Variants in EHBP1 observed in about 807,000 individuals in gnomAD.
EHBP1 encodes EH domain-binding protein 1.
A neutral mutation model predicts 144.0 loss-of-function variants in EHBP1; 55 were observed. The ratio of observed to expected loss-of-function variants is 0.38; its 90% CI spans 0.31 to 0.48. The LOEUF is 0.48. Among genes scored for constraint, EHBP1 ranks in the 20% least tolerant of loss-of-function variants. The probability of loss-of-function intolerance (pLI) is 0.98; values close to 1 mark genes in which losing one functional copy is unlikely to be tolerated. For synonymous variants in EHBP1, 469 were observed against 472.7 expected (o/e 0.99, Z 0.10); for missense variants, 1,200 against 1,364.2 (o/e 0.88, Z 1.90).
intron 13 of EHBP1, among the ~76,000 whole-genome samples, chr2:62,951,276 A>G (rs2057365712): frequency 6.6e-6 from 1 of 152,168 alleles, no homozygotes; most frequent in Non-Finnish European, 1.5e-5. Context: ...TCTGCCATTT[A>G]TAAGTTTTCA....
chr2:62,774,698 A>T (rs560263830), intron 5 of EHBP1, among the ~76,000 whole-genome samples: 1 of 152,188 alleles, frequency 6.6e-6, no homozygotes, highest in East Asian at 1.9e-4. Context: ...AAAAAAAATT[A>T]ACTGGACGTG....
chr2:62,813,869 A>AG (rs1272936299), intron 5 of EHBP1, among the ~76,000 whole-genome samples: 2 of 152,242 alleles, frequency 1.3e-5, no homozygotes, highest in Non-Finnish European at 2.9e-5. Context: ...TTTTGGAAGT[A>AG]GATGACTGGT....
chr2:62,966,219 A>G (rs2153155591), intron 14 of EHBP1, among the ~76,000 whole-genome samples: 1 of 152,324 alleles, frequency 6.6e-6, no homozygotes, highest in Non-Finnish European at 1.5e-5. Context: ...AAAGGAAGTT[A>G]TCTGAAAATA....
At chr2:62,821,039 G>A (rs2045946513) in intron 5 of EHBP1, among the ~76,000 whole-genome samples, 1 of 151,330 alleles carries the variant, frequency 6.6e-6, no homozygotes, top group African/African-American at 2.4e-5. Context: ...AAATATTAAT[G>A]CCATTAGTTT....
intron 15 of EHBP1, among the ~76,000 whole-genome samples, chr2:62,982,941 A>C (rs960777100): frequency 2.0e-5 from 3 of 152,192 alleles, no homozygotes; most frequent in African/African-American, 7.2e-5. Context: ...ATATTCAGGC[A>C]ATCAAGAGAC....
chr2:62,917,558 T>C lies in EHBP1; in HGVS notation c.1186-25160T>C, dbSNP rs148020862. Among the ~76,000 whole-genome samples the C allele has an allele frequency of 5.1e-4, 78 of 152,322 alleles. 1 individual carries two copies. Among genetic ancestry groups the C allele is most frequent in the African/African-American group, 1.6e-3 (67 of 41,580 alleles). ...TCTAATTGACTCTATAGTTCAGGTA[T>C]GTTCTTAATCCCAATGCTGAGTCCT... On this transcript the variant is annotated intron_variant, in intron 10 of 22. Transcript: ENST00000431489.
In EHBP1 at chr2:62,961,116, T is replaced by C. The variant is rs1429637940; in HGVS notation, c.2460+5456T>C. On this transcript the variant is annotated intron_variant, in intron 14 of 22. Coordinates refer to ENST00000431489, the MANE Select transcript of EHBP1 (RefSeq NM_001142616.3). The stretch of plus-strand genomic sequence containing the variant: ...CTGAAAACAACTCTCGATATTCTTA[T>C]TGGGTGGACCCTTACGTACAGACTC... 3.9e-5 allele frequency among the ~76,000 whole-genome samples: 6 copies of C among 152,322 alleles called. No homozygotes were observed. The East Asian group carries it at 5.8e-4, about 15-fold the overall frequency.
intron 15 of EHBP1, chr2:62,987,805 G>A (rs140431293): frequency 1.6e-5 from 8 of 500,966 alleles, no homozygotes; most frequent in African/African-American, 1.2e-4. Context: ...TTCTTAACTT[G>A]CTTATCTGTG....
intron 5 of EHBP1, among the ~76,000 whole-genome samples, chr2:62,775,605 T>C (rs1410653044): frequency 6.6e-6 from 1 of 152,210 alleles, no homozygotes. Context: ...AAGTTATATT[T>C]AATATAAAAT....
chr2:62,833,424 C>A (rs766836607), intron 7 of EHBP1, among the ~76,000 whole-genome samples: 1 of 152,176 alleles, frequency 6.6e-6, no homozygotes, highest in Non-Finnish European at 1.5e-5. Flanking sequence ...GAAGAAGATG[C>A]CATCTAGGAA....
intron 5 of EHBP1, among the ~76,000 whole-genome samples, chr2:62,792,795 A>G (rs1264154387): frequency 6.6e-6 from 1 of 152,060 alleles, no homozygotes; most frequent in East Asian, 1.9e-4. Flanking sequence ...TGAGATATTT[A>G]AGTGCTGCTT....
chr2:62,990,797 C>T lies in EHBP1; in HGVS notation c.2690C>T (p.Ala897Val), dbSNP rs2059382893. 1 of 1,613,878 alleles carries T rather than the reference C, an allele frequency of 6.2e-7. No individual in the cohort carries two copies. The highest frequency in any genetic ancestry group is 1.7e-4 in the Middle Eastern group (1 of 6,060). ...QPQVANSPSS[A>V]AQKAVTESSE... ...CAGGTGGCAAATTCACCCTCCAGTG[C>T]TGCCCAGAAAGCTGTAACTGAGAGC... Residue 897 changes from alanine (A) to valine (V), a missense_variant, in exon 16 of 23, where the codon GCT (alanine) becomes GTT (valine). Ala to Val is a moderately conservative substitution (Grantham distance 64, BLOSUM62 0). This residue lies in a region of EHBP1 where 543 missense variants were observed against 513.1 expected (regional missense o/e 1.06). Transcript: ENST00000431489.
rs987425049 is a variant in EHBP1 at position 62,759,894 on chromosome 2, A to G, written c.163-4372A>G. 5.5e-4 allele frequency among the ~76,000 whole-genome samples: 83 copies of G among 151,092 alleles called. 2 individuals carry two copies. Among genetic ancestry groups the G allele is most frequent in the Non-Finnish European group, 9.0e-4 (61 of 67,726 alleles). The stretch of plus-strand genomic sequence containing the variant: ...TAAATTCTTAGAAAACAGTAACACT[A>G]TTTTTTTTTGGTCAGATTTTCCACT... On this transcript the variant is annotated intron_variant, in intron 3 of 22. Transcript: ENST00000431489.
chr2:62,755,201 T>A (rs2152265746), intron 3 of EHBP1, among the ~76,000 whole-genome samples: 1 of 152,326 alleles, frequency 6.6e-6, no homozygotes, highest in South Asian at 2.1e-4. Flanking sequence ...CTGTTTTGAT[T>A]TTCTGTTACC....
chr2:63,008,253 G>A (rs1268070355), intron 19 of EHBP1, among the ~76,000 whole-genome samples: 1 of 151,578 alleles, frequency 6.6e-6, no homozygotes, highest in Admixed American at 6.6e-5. Context: ...TACATGCTGG[G>A]GTGGACTAGC....
intron 14 of EHBP1, among the ~76,000 whole-genome samples, chr2:62,970,810 T>G (rs2058464312): frequency 6.6e-6 from 1 of 152,120 alleles, no homozygotes. Context: ...CCCCTTCCCC[T>G]CAAAAGCAAA....
At chr2:63,009,101 A>G (rs938814363) in intron 19 of EHBP1, among the ~76,000 whole-genome samples, 8 of 151,606 alleles carry the variant, frequency 5.3e-5, no homozygotes, top group African/African-American at 1.9e-4. Context: ...TTGGTAGTTC[A>G]TTTGTTTTTG....
intron 19 of EHBP1, among the ~76,000 whole-genome samples, chr2:63,015,087 A>G: frequency 6.6e-6 from 1 of 152,238 alleles, no homozygotes; most frequent in East Asian, 1.9e-4. Flanking sequence ...CGAATTTTAT[A>G]TGAGGAAAAA....
chr2:62,989,809 A>T (rs925457017), intron 15 of EHBP1, among the ~76,000 whole-genome samples: 1 of 152,126 alleles, frequency 6.6e-6, no homozygotes, highest in African/African-American at 2.4e-5. Flanking sequence ...TCATATGTAT[A>T]TAAGTCATAA....
Sources: allele counts gnomAD v4.1 joint callset (sites outside exome capture counted in the v4.1 genomes callset), GRCh38; gene constraint gnomAD v4.1.1; regional missense constraint gnomAD v4.1.1; transcripts MANE v1.5; gene names NCBI Gene and HGNC (gene_info 2026-07-23, HGNC 2026-07-21).